The following CNKSR3 variants were observed in gnomAD, a reference collection of about 807,000 sequenced individuals.
CNKSR3 encodes the protein connector enhancer of kinase suppressor of ras 3.
CNKSR3 carries 36 observed loss-of-function variants against 67.7 expected under a neutral mutation model. The observed-to-expected ratio is 0.53, with a 90% CI of 0.41 to 0.70. CNKSR3 has a LOEUF of 0.70. CNKSR3 is among the 30% of genes least tolerant of loss of function. CNKSR3 has a pLI of 0.00. For synonymous variants in CNKSR3, 281 were observed against 271.4 expected, an observed-to-expected ratio of 1.04 and a Z score of -0.35; for missense variants, 630 against 695.2, an observed-to-expected ratio of 0.91 and a Z score of 1.05.
At chr6:154,509,976 G>T (rs1787181265) in intron 1 of CNKSR3, 87 bp downstream of exon 1, 2 of 1,457,714 alleles carry the variant, frequency 1.4e-6, no homozygotes, top group Admixed American at 3.4e-5. Flanking sequence ...CTCGCCGGGA[G>T]GAAGGGCCAA....
intron 1 of CNKSR3, among the ~76,000 whole-genome samples, chr6:154,506,776 C>T (rs977172452): frequency 1.3e-5 from 2 of 152,230 alleles, no homozygotes; most frequent in Non-Finnish European, 2.9e-5. Context: ...AACTGACTGG[C>T]AAGGCGCCAT....
At chr6:154,432,738 A>G (rs1408138545) in intron 5 of CNKSR3, among the ~76,000 whole-genome samples, 1 of 152,252 alleles carries the variant, frequency 6.6e-6, no homozygotes, top group Non-Finnish European at 1.5e-5. Flanking sequence ...AGACAATGAG[A>G]GGATCCCTAT....
In CNKSR3 at chr6:154,400,532, C is replaced by T. The variant is rs1307540354; in HGVS notation, c.*5822G>A. Reference sequence around the variant, plus strand: ...AAAACTGTGTGTGACAGTCTCCTGGCTGTGTAGCATTTTTTGTTGCTTATA... The same window carrying T: ...AAAACTGTGTGTGACAGTCTCCTGGTTGTGTAGCATTTTTTGTTGCTTATA... On this transcript the variant is annotated 3_prime_UTR_variant, in exon 13 of 13. Transcript: ENST00000607772. The T allele has an allele frequency of 1.3e-5, 2 of 152,206 alleles. No homozygotes were observed. The highest frequency in any genetic ancestry group is 2.9e-5 in the Non-Finnish European group (2 of 68,036). 9.4% of individuals were successfully genotyped at this position (152,206 alleles called of 1,614,324 possible).
intron 7 of CNKSR3, among the ~76,000 whole-genome samples, chr6:154,427,282 T>C (rs1785275802): frequency 6.6e-6 from 1 of 152,218 alleles, no homozygotes; most frequent in Non-Finnish European, 1.5e-5. Flanking sequence ...AGCTCAAAAT[T>C]AGACACATAT....
intron 11 of CNKSR3, 110 bp from the exon 12 acceptor site, chr6:154,410,542 G>A (rs1784889469): frequency 1.5e-6 from 1 of 671,438 alleles, no homozygotes. Flanking sequence ...CACTTAGACA[G>A]AAGCAATAAC....
intron 1 of CNKSR3, among the ~76,000 whole-genome samples, chr6:154,470,712 T>G (rs1786311118): frequency 6.6e-6 from 1 of 152,204 alleles, no homozygotes; most frequent in Non-Finnish European, 1.5e-5. Context: ...TTGTTTCCTC[T>G]TTTTGGCTAT....
rs1464841639 is a variant in CNKSR3 at position 154,411,149 on chromosome 6, G to A, written c.1071-7C>T. ...AAAACTGCCATTCTCATCCCTGGAA[G>A]ATAATATGGACAATAATTAAGTTGT... On this transcript the variant is annotated splice_polypyrimidine_tract_variant and splice_region_variant and intron_variant, in intron 10 of 12. Coordinates refer to ENST00000607772, the MANE Select transcript of CNKSR3 (RefSeq NM_173515.4). 1 of 1,589,648 alleles carries A rather than the reference G, an allele frequency of 6.3e-7. No homozygotes were observed. The highest frequency in any genetic ancestry group is 8.6e-7 in the Non-Finnish European group (1 of 1,159,332).
intron 1 of CNKSR3, among the ~76,000 whole-genome samples, chr6:154,465,547 G>T (rs1191425216): frequency 1.3e-5 from 2 of 152,138 alleles, no homozygotes; most frequent in Non-Finnish European, 2.9e-5. Context: ...CTTGCTCACA[G>T]CCTCGCCGAG....
intron 9 of CNKSR3, chr6:154,414,854 A>C (rs1435730181): frequency 4.3e-6 from 2 of 466,990 alleles, no homozygotes; most frequent in Non-Finnish European, 8.9e-6. Context: ...GCACTTTGGG[A>C]GGCCAAGGTG....
chr6:154,510,079 C>G lies in CNKSR3; in HGVS notation c.36G>C (p.Val12=). 1.2e-6 allele frequency: 2 copies of G among 1,614,142 alleles called. No homozygotes were observed. Among genetic ancestry groups the G allele is most frequent in the South Asian group, 2.2e-5 (2 of 91,086 alleles). Residue 12 remains valine, a synonymous_variant, in exon 1 of 13, where the codon GTG becomes GTC. Coordinates refer to ENST00000607772, the MANE Select transcript of CNKSR3 (RefSeq NM_173515.4). ...EPVTKWSPKQ[V]VDWTRGLDDC... ...CCCGCGCACCTCTAGTCCAGTCCAC[C>G]ACTTGTTTGGGGCTCCACTTGGTCA... is the stretch of plus-strand genomic sequence containing the variant.
At chr6:154,443,334 G>A (rs1289991312) in intron 2 of CNKSR3, among the ~76,000 whole-genome samples, 1 of 152,014 alleles carries the variant, frequency 6.6e-6, no homozygotes, top group Non-Finnish European at 1.5e-5. Flanking sequence ...CTTGTGGGGT[G>A]GGGGTCCCTG....
At chr6:154,406,888 G>A (rs1784805435) in intron 12 of CNKSR3, among the ~76,000 whole-genome samples, 1 of 151,990 alleles carries the variant, frequency 6.6e-6, no homozygotes, top group Admixed American at 6.6e-5. Flanking sequence ...GAGAGGCGGA[G>A]GTTGCAGTGA....
At chr6:154,446,906 G>A (rs1477327154) in intron 2 of CNKSR3, among the ~76,000 whole-genome samples, 1 of 149,926 alleles carries the variant, frequency 6.7e-6, no homozygotes, top group African/African-American at 2.5e-5. Flanking sequence ...CTGGGTTCAC[G>A]CCATTCTCCT....
chr6:154,444,040 T>C (rs1785657817), intron 2 of CNKSR3, among the ~76,000 whole-genome samples: 1 of 151,952 alleles, frequency 6.6e-6, no homozygotes, highest in African/African-American at 2.4e-5. Context: ...ACATTAGAGG[T>C]GGGGGTATAA....
At chr6:154,423,257 ACTGTCTTTTGTT>A (rs1439727707) in intron 7 of CNKSR3, among the ~76,000 whole-genome samples, 1 of 152,074 alleles carries the variant, frequency 6.6e-6, no homozygotes, top group Non-Finnish European at 1.5e-5. Flanking sequence ...GACTGGACAT[ACTGTCTTTTGTT>A]TTGTTTTGCT....
intron 2 of CNKSR3, among the ~76,000 whole-genome samples, chr6:154,445,116 G>A (rs1005582756): frequency 3.3e-4 from 50 of 151,644 alleles, no homozygotes; most frequent in African/African-American, 1.2e-3. Context: ...TTTACTTGAA[G>A]TTTAAATTTA....
At position 154,428,143 on chromosome 6, in the gene CNKSR3, A is replaced by T. The variant is rs1203634885; in HGVS notation, c.714T>A (p.Thr238=). Residue 238 remains threonine (T), a synonymous_variant, in exon 7 of 13, where the codon ACT becomes ACA. Transcript: ENST00000607772. ...ATACACTTACATTTTCTGTGGTTCC[A>T]GTAATCACGTGTAACCCATCATAGG... ...KSTYDGLHVI[T]GTTENSPADR... 1 of 1,608,126 alleles carries T rather than the reference A, an allele frequency of 6.2e-7. No individual in the cohort carries two copies. Among genetic ancestry groups the T allele is most frequent in the African/African-American group, 1.3e-5 (1 of 74,834 alleles).
rs1491475943 is a variant in CNKSR3, at chr6:154,502,375, TTA to T, written c.52+7686_52+7687del. ...CCCAGCTAATTTTTTTTTTTTTTTT[TTA>T]GTAGAGACGGGGTTTCACCATGTTG... On this transcript the variant is annotated intron_variant, in intron 1 of 12. Coordinates refer to ENST00000607772, the MANE Select transcript of CNKSR3 (RefSeq NM_173515.4). 8.6e-5 allele frequency among the ~76,000 whole-genome samples: 13 copies of T among 151,694 alleles called. No homozygotes were observed. In the East Asian group the frequency reaches 2.5e-3, roughly 29 times the overall value.
At chr6:154,508,551 G>A (rs1787147755) in intron 1 of CNKSR3, among the ~76,000 whole-genome samples, 1 of 152,178 alleles carries the variant, frequency 6.6e-6, no homozygotes, top group Non-Finnish European at 1.5e-5. Context: ...GAAGCTGCCA[G>A]CCTAGGGAAT....
Sources: allele counts gnomAD v4.1 joint callset (sites outside exome capture counted in the v4.1 genomes callset), GRCh38; gene constraint gnomAD v4.1.1; transcripts MANE v1.5; gene names NCBI Gene and HGNC (gene_info 2026-07-23, HGNC 2026-07-21).